APP: variants seen among roughly 807,000 people sequenced by gnomAD.
APP encodes amyloid beta precursor protein, also known as amyloid-beta precursor protein.
A neutral mutation model predicts 101.4 loss-of-function variants in APP; 31 were observed. That is an observed-to-expected ratio of 0.31 (90% CI 0.23 to 0.41). The LOEUF is 0.41. Ranked by LOEUF, APP falls within the 10% of genes least tolerant of loss-of-function variation. APP has a pLI of 1.00. For synonymous variants in APP, 366 were observed against 364.4 expected (o/e 1.00, Z -0.05); for missense variants, 839 against 1,003.7 (o/e 0.84, Z 2.22).
intron 3 of APP, among the ~76,000 whole-genome samples, chr21:26,064,363 T>C (rs1365996768): frequency 6.6e-6 from 1 of 152,244 alleles, no homozygotes; most frequent in Non-Finnish European, 1.5e-5. Context: ...GGGAACTCTC[T>C]GGACTATCCT....
intron 13 of APP, among the ~76,000 whole-genome samples, chr21:25,926,345 G>C (rs1291433921): frequency 2.6e-5 from 4 of 152,194 alleles, no homozygotes; most frequent in Non-Finnish European, 4.4e-5. Context: ...TAGGTCGGTG[G>C]AGCAGCTGAT....
chr21:26,123,969 G>C (rs762575078), intron 1 of APP, among the ~76,000 whole-genome samples: 24 of 151,786 alleles, frequency 1.6e-4, no homozygotes, highest in Non-Finnish European at 2.6e-4. Flanking sequence ...CTAGTATATA[G>C]AGCAAGGATT....
intron 3 of APP, among the ~76,000 whole-genome samples, chr21:26,059,966 T>C (rs556318929): frequency 2.7e-4 from 37 of 138,730 alleles, no homozygotes; most frequent in Admixed American, 2.5e-3. Context: ...CCAGGTCACA[T>C]AGAGAGTAAA....
At chr21:25,895,339 T>C (rs1011257091) in intron 16 of APP, among the ~76,000 whole-genome samples, 3 of 152,096 alleles carry the variant, frequency 2.0e-5, no homozygotes, top group African/African-American at 7.2e-5. Context: ...CTAATTTTTG[T>C]ATTTTTAGTA....
intron 16 of APP, among the ~76,000 whole-genome samples, chr21:25,896,437 A>C (rs557293429): frequency 3.5e-5 from 5 of 143,206 alleles, no homozygotes; most frequent in Admixed American, 7.0e-5. Flanking sequence ...CACACACACA[A>C]AACAAAACAA....
At chr21:26,140,308 G>GA (rs2063015565) in intron 1 of APP, 1 of 1,532,134 alleles carries the variant, frequency 6.5e-7, no homozygotes, top group Non-Finnish European at 8.7e-7. Flanking sequence ...ACCCAGGCCA[G>GA]AGCTTCCATC....
At chr21:26,124,759 G>A (rs1351354252) in intron 1 of APP, among the ~76,000 whole-genome samples, 3 of 152,228 alleles carry the variant, frequency 2.0e-5, no homozygotes, top group African/African-American at 4.8e-5. Context: ...AACACATGCC[G>A]TTCCCACTCT....
At chr21:25,889,006 G>A (rs1202713249) in intron 17 of APP, among the ~76,000 whole-genome samples, 1 of 152,140 alleles carries the variant, frequency 6.6e-6, no homozygotes, top group Admixed American at 6.5e-5. Flanking sequence ...TTTTTCCTTA[G>A]GTCTGAGGTA....
intron 15 of APP, among the ~76,000 whole-genome samples, chr21:25,901,002 A>AAAAAAAAAAAAAAAAAAAAC (rs2038429845): frequency 8.6e-6 from 1 of 116,664 alleles, no homozygotes; most frequent in East Asian, 2.5e-4. Flanking sequence ...AAAAAAAAAA[A>AAAAAAAAAAAAAAAAAAAAC]AAGAATGAGC....
chr21:25,993,321 A>C (rs2042940204), intron 8 of APP, among the ~76,000 whole-genome samples: 1 of 152,156 alleles, frequency 6.6e-6, no homozygotes, highest in Non-Finnish European at 1.5e-5. Context: ...CTAAAGTACA[A>C]ATAACCTGTG....
At chr21:25,887,540 A>AAAC (rs367900945) in intron 17 of APP, among the ~76,000 whole-genome samples, 8 of 139,332 alleles carry the variant, frequency 5.7e-5, no homozygotes, top group African/African-American at 8.0e-5. Flanking sequence ...AAAAAAAAAA[A>AAAC]CAACAACTAG....
chr21:26,021,904 C>G lies in APP; in HGVS notation c.801G>C (p.Glu267Asp). Residue 267 changes from glutamate to aspartate, a missense_variant, in exon 6 of 18, where the codon GAG becomes GAC. Coordinates refer to ENST00000346798, the MANE Select transcript of APP (RefSeq NM_000484.4). Reference protein sequence around the residue: ...EAEEPYEEATERTTSIATTTT... With the variant: ...EAEEPYEEATDRTTSIATTTT... ...TGGTGGTGGCAATGCTGGTGGTTCT[C>G]TCTGTGGCTTCTTCGTAGGGTTCCT... 1 of 1,613,236 alleles carries G rather than the reference C, an allele frequency of 6.2e-7. No individual in the cohort carries two copies. Among genetic ancestry groups the G allele is most frequent in the Non-Finnish European group, 8.5e-7 (1 of 1,179,572 alleles).
At chr21:25,900,368 A>G (rs1449716633) in intron 15 of APP, among the ~76,000 whole-genome samples, 1 of 101,644 alleles carries the variant, frequency 9.8e-6, no homozygotes, top group Non-Finnish European at 1.8e-5. Context: ...CCCTGTCTCT[A>G]CTAAAAATAC....
At chr21:25,958,556 CGT>C (rs1569106748) in intron 11 of APP, among the ~76,000 whole-genome samples, 29 of 374 alleles carry the variant, frequency 0.078, no homozygotes, top group Non-Finnish European at 0.14. Flanking sequence ...GGATTACAGG[CGT>C]GCGACCAGTG....
At chr21:26,041,745 C>T (rs1011719664) in intron 5 of APP, among the ~76,000 whole-genome samples, 3 of 151,958 alleles carry the variant, frequency 2.0e-5, no homozygotes, top group African/African-American at 4.8e-5. Context: ...ACTGGTTTGG[C>T]CACACATCTG....
intron 3 of APP, among the ~76,000 whole-genome samples, chr21:26,084,478 A>T (rs1258929581): frequency 2.0e-5 from 3 of 152,286 alleles, no homozygotes; most frequent in Non-Finnish European, 4.4e-5. Context: ...TGACCTTGCG[A>T]TCCGCCCATC....
intron 1 of APP, among the ~76,000 whole-genome samples, chr21:26,153,414 A>G (rs1385496391): frequency 2.0e-5 from 3 of 152,196 alleles, no homozygotes; most frequent in Non-Finnish European, 1.5e-5. Context: ...GGTTAAAGGT[A>G]TATAAGACAG....
intron 8 of APP, among the ~76,000 whole-genome samples, chr21:25,995,942 G>GC (rs2043038783): frequency 1.4e-5 from 2 of 143,838 alleles, no homozygotes; most frequent in South Asian, 4.8e-4. Context: ...TTTGAGATGA[G>GC]GGTTTTTTTT....
intron 17 of APP, among the ~76,000 whole-genome samples, chr21:25,882,134 G>A (rs1193177334): frequency 3.9e-5 from 6 of 151,942 alleles, no homozygotes; most frequent in Non-Finnish European, 7.4e-5. Flanking sequence ...CCTGTTTTAC[G>A]TGGAAGTGTT....
Sources: gnomAD v4.1 joint callset for allele counts (sites outside exome capture counted in the v4.1 genomes callset) on GRCh38, gnomAD v4.1.1 for gene constraint, MANE v1.5 for transcripts, NCBI Gene and HGNC (gene_info 2026-07-23, HGNC 2026-07-21) for gene names.